Variants in CCDC93 observed in about 807,000 individuals in gnomAD.
The protein encoded by CCDC93 is CCC complex scaffolding subunit CCDC93.
Under a neutral mutation model 108.2 loss-of-function variants are expected in CCDC93, and 61 were observed. The ratio of observed to expected loss-of-function variants is 0.56; its 90% CI spans 0.46 to 0.70. CCDC93 has a LOEUF of 0.70. Among genes scored for constraint, CCDC93 ranks in the 30% least tolerant of loss-of-function variants. The probability of loss-of-function intolerance (pLI) is 0.00; values close to 1 mark genes in which losing one functional copy is unlikely to be tolerated. For synonymous variants in CCDC93, 276 were observed against 260.4 expected (o/e 1.06, Z -0.58); for missense variants, 685 against 764.2 (o/e 0.90, Z 1.22).
chr2:118,004,737 G>C (rs983615711), intron 3 of CCDC93, among the ~76,000 whole-genome samples: 1 of 152,150 alleles, frequency 6.6e-6, no homozygotes, highest in Admixed American at 6.5e-5. Context: ...CCTTAGTCAC[G>C]TAAACCCGTC....
intron 7 of CCDC93, among the ~76,000 whole-genome samples, chr2:117,981,041 T>C (rs1680102413): frequency 6.6e-6 from 1 of 152,252 alleles, no homozygotes; most frequent in South Asian, 2.1e-4. Flanking sequence ...AATTCCATTT[T>C]ATGGCTGAAT....
chr2:117,946,941 T>C (rs1377698697), intron 15 of CCDC93, 59 bp from the exon 16 acceptor site: 1 of 1,220,886 alleles, frequency 8.2e-7, no homozygotes, highest in Non-Finnish European at 1.2e-6. Flanking sequence ...GACGCAATTA[T>C]TCAACTATTT....
intron 23 of CCDC93, among the ~76,000 whole-genome samples, chr2:117,929,835 C>T (rs1231435866): frequency 1.3e-5 from 2 of 152,136 alleles, no homozygotes; most frequent in South Asian, 2.1e-4. Flanking sequence ...CTCTTTCTTC[C>T]GATGGCTAGG....
intron 11 of CCDC93, among the ~76,000 whole-genome samples, chr2:117,960,040 C>T (rs917324666): frequency 2.0e-5 from 3 of 152,206 alleles, no homozygotes; most frequent in African/African-American, 7.2e-5. Context: ...TTGACCTGAA[C>T]TATGCTATTA....
At chr2:117,981,802 A>G (rs1015431516) in intron 7 of CCDC93, among the ~76,000 whole-genome samples, 4 of 152,218 alleles carry the variant, frequency 2.6e-5, no homozygotes, top group Non-Finnish European at 4.4e-5. Flanking sequence ...TCGCATTTCA[A>G]TTGCTCAATA....
At chr2:117,994,206 A>G (rs1434231484) in intron 6 of CCDC93, among the ~76,000 whole-genome samples, 1 of 125,326 alleles carries the variant, frequency 8.0e-6, no homozygotes, top group Non-Finnish European at 1.8e-5. Flanking sequence ...AAGGTGAAAA[A>G]TCAACTTTAA....
chr2:117,967,664 C>T lies in CCDC93; in HGVS notation c.888+6244G>A, dbSNP rs372072707. Among the ~76,000 whole-genome samples the T allele has an allele frequency of 3.3e-5, 5 of 152,304 alleles. No individual in the cohort carries two copies. The East Asian group carries it at 9.6e-4, about 29-fold the overall frequency. ...TGCAAAGTCAAAACAGTCCTGCACT[C>T]AAACCTGGAACTTATTAGCTGTATG... On this transcript the variant is annotated intron_variant, in intron 11 of 23. Coordinates refer to ENST00000376300, the MANE Select transcript of CCDC93 (RefSeq NM_019044.5).
chr2:117,944,681 T>C, intron 17 of CCDC93: 1 of 468,336 alleles, frequency 2.1e-6, no homozygotes, highest in Non-Finnish European at 4.4e-6. Flanking sequence ...GTCAAAGGAG[T>C]GCCTCCTTCC....
At chr2:117,933,634 T>C (rs931899032) in intron 22 of CCDC93, among the ~76,000 whole-genome samples, 4 of 152,082 alleles carry the variant, frequency 2.6e-5, no homozygotes, top group East Asian at 3.9e-4. Flanking sequence ...GAGAAACCTG[T>C]GCTTGAGAGG....
intron 11 of CCDC93, among the ~76,000 whole-genome samples, chr2:117,972,426 T>C (rs2059348): frequency 0.97 from 148,088 of 152,262 alleles, 72,153 homozygotes; most frequent in Middle Eastern, 1. Flanking sequence ...AGGAGACGTG[T>C]AAAATGCAGA....
intron 8 of CCDC93, 94 bp from the exon 9 acceptor site, chr2:117,975,374 A>G: frequency 1.1e-6 from 1 of 890,228 alleles, no homozygotes; most frequent in Non-Finnish European, 1.8e-6. Context: ...CTGTGAAAAA[A>G]ACACAGACCT....
At chr2:117,978,267 G>C (rs1478378572) in intron 7 of CCDC93, among the ~76,000 whole-genome samples, 1 of 152,184 alleles carries the variant, frequency 6.6e-6, no homozygotes, top group Non-Finnish European at 1.5e-5. Flanking sequence ...CTCTCAGACA[G>C]TATGGAATGC....
intron 22 of CCDC93, among the ~76,000 whole-genome samples, chr2:117,931,951 T>C (rs1232878379): frequency 6.6e-6 from 1 of 152,162 alleles, no homozygotes; most frequent in Non-Finnish European, 1.5e-5. Context: ...TCACAGAGCA[T>C]ACATTCTAGA....
chr2:118,010,023 C>T (rs1055113628), intron 1 of CCDC93, among the ~76,000 whole-genome samples: 3 of 152,062 alleles, frequency 2.0e-5, no homozygotes, highest in Non-Finnish European at 4.4e-5. Flanking sequence ...CCAGAGAGAA[C>T]CTCCACCTCC....
intron 6 of CCDC93, among the ~76,000 whole-genome samples, chr2:117,988,176 C>A (rs903217915): frequency 4.6e-5 from 7 of 151,874 alleles, no homozygotes; most frequent in Admixed American, 3.9e-4. Flanking sequence ...TGCTAAAAGG[C>A]ACACACACAG....
intron 19 of CCDC93, among the ~76,000 whole-genome samples, chr2:117,939,834 G>A (rs1460455294): frequency 6.6e-6 from 1 of 152,138 alleles, no homozygotes; most frequent in African/African-American, 2.4e-5. Context: ...ATACCAAGTG[G>A]GAATTGTAGG....
At chr2:117,950,612 GAA>G in intron 13 of CCDC93, 1 of 985,410 alleles carries the variant, frequency 1.0e-6, no homozygotes, top group Non-Finnish European at 1.2e-6. Context: ...TCAAATCTGG[GAA>G]GCCTGGAATG....
intron 1 of CCDC93, among the ~76,000 whole-genome samples, chr2:118,011,493 G>T (rs1317877319): frequency 6.6e-6 from 1 of 152,060 alleles, no homozygotes; most frequent in African/African-American, 2.4e-5. Context: ...GGATGGTTGA[G>T]AAACGTCTAC....
intron 6 of CCDC93, among the ~76,000 whole-genome samples, chr2:117,994,336 T>C (rs970075897): frequency 4.5e-4 from 69 of 152,230 alleles, no homozygotes; most frequent in African/African-American, 1.6e-3. Flanking sequence ...CTTGTTATTG[T>C]TTAATACTGC....
Sources: allele counts gnomAD v4.1 joint callset (sites outside exome capture counted in the v4.1 genomes callset), GRCh38; gene constraint gnomAD v4.1.1; transcripts MANE v1.5; gene names NCBI Gene and HGNC (gene_info 2026-07-23, HGNC 2026-07-21).